The following KCNMA1 variants were observed in gnomAD, a reference collection of about 807,000 sequenced individuals.
KCNMA1 encodes potassium calcium-activated channel subfamily M alpha 1.
KCNMA1 carries 29 observed loss-of-function variants against 140.0 expected under a neutral mutation model. That is an observed-to-expected ratio of 0.21 (90% CI 0.15 to 0.28). KCNMA1 has a LOEUF of 0.28. Among genes scored for constraint, KCNMA1 ranks in the 10% least tolerant of loss-of-function variants. The probability of loss-of-function intolerance (pLI) is 1.00; values close to 1 mark genes in which losing one functional copy is unlikely to be tolerated. For synonymous variants in KCNMA1, 612 were observed against 611.9 expected, an observed-to-expected ratio of 1.00 and a Z score of 0.00; for missense variants, 880 against 1,602.2, an observed-to-expected ratio of 0.55 and a Z score of 7.70.
intron 1 of KCNMA1, among the ~76,000 whole-genome samples, chr10:77,606,842 G>A (rs1182409943): frequency 1.3e-5 from 2 of 152,006 alleles, no homozygotes; most frequent in Non-Finnish European, 2.9e-5. Flanking sequence ...ATGCCCACAG[G>A]CACCTTGACA....
intron 5 of KCNMA1, among the ~76,000 whole-genome samples, chr10:77,158,592 C>T (rs560638012): frequency 1.5e-4 from 23 of 152,266 alleles, no homozygotes; most frequent in African/African-American, 5.3e-4. Flanking sequence ...TCTCTAGCTC[C>T]ATAACTGGGG....
At chr10:77,364,666 T>G (rs563926007) in intron 2 of KCNMA1, among the ~76,000 whole-genome samples, 1 of 152,220 alleles carries the variant, frequency 6.6e-6, no homozygotes, top group African/African-American at 2.4e-5. Context: ...TCATAACTTC[T>G]CACTTTTCCT....
chr10:77,151,104 T>TC (rs866668533), intron 5 of KCNMA1, among the ~76,000 whole-genome samples: 1 of 151,954 alleles, frequency 6.6e-6, no homozygotes, highest in African/African-American at 2.4e-5. Flanking sequence ...TCTCTCTCTC[T>TC]TTTCTTCTCT....
At chr10:77,410,274 C>T (rs759750665) in intron 1 of KCNMA1, among the ~76,000 whole-genome samples, 22 of 152,288 alleles carry the variant, frequency 1.4e-4, no homozygotes, top group African/African-American at 4.6e-4. Context: ...TGCTCTCACC[C>T]GGTTGGACTC....
intron 2 of KCNMA1, among the ~76,000 whole-genome samples, chr10:77,298,993 C>T (rs2075919353): frequency 6.6e-6 from 1 of 152,186 alleles, no homozygotes; most frequent in African/African-American, 2.4e-5. Flanking sequence ...GTCTTTTGAA[C>T]AACTGATTTT....
Position 77,584,197 on chromosome 10 carries a change from T to C in KCNMA1, c.378+53068A>G, listed in dbSNP as rs564943183. Among the ~76,000 whole-genome samples, 3 of 152,298 alleles carry C rather than the reference T, an allele frequency of 2.0e-5. No homozygotes were observed. In the South Asian group the frequency reaches 6.2e-4, roughly 32 times the overall value. On this transcript the variant is annotated intron_variant, in intron 1 of 27. Coordinates refer to ENST00000286628, the MANE Select transcript of KCNMA1 (RefSeq NM_001161352.2). Reference sequence around the variant, plus strand: ...AACACCGTCAGTCCACAGTGCTTTATAACCACCCAACCACCTTAGACGGGG... The same window carrying C: ...AACACCGTCAGTCCACAGTGCTTTACAACCACCCAACCACCTTAGACGGGG...
chr10:77,128,203 A>C (rs2097781258), intron 5 of KCNMA1, among the ~76,000 whole-genome samples: 3 of 151,972 alleles, frequency 2.0e-5, no homozygotes, highest in Admixed American at 1.3e-4. Context: ...TTCTCATATA[A>C]AGAAGATTTT....
intron 1 of KCNMA1, among the ~76,000 whole-genome samples, chr10:77,577,849 A>C (rs920955651): frequency 2.6e-5 from 4 of 152,216 alleles, no homozygotes; most frequent in Non-Finnish European, 4.4e-5. Flanking sequence ...AACTGAATAA[A>C]GAGCACAGTT....
At chr10:77,366,670 G>A (rs778264970) in intron 2 of KCNMA1, among the ~76,000 whole-genome samples, 3 of 152,158 alleles carry the variant, frequency 2.0e-5, no homozygotes, top group Non-Finnish European at 4.4e-5. Flanking sequence ...GGGGAGATAT[G>A]ATGGTGGTGG....
chr10:77,550,842 C>T (rs1655184346), intron 1 of KCNMA1, among the ~76,000 whole-genome samples: 1 of 152,114 alleles, frequency 6.6e-6, no homozygotes, highest in East Asian at 1.9e-4. Context: ...CATTTCCCCC[C>T]ACAACCCAAG....
intron 12 of KCNMA1, among the ~76,000 whole-genome samples, chr10:77,081,526 G>A (rs61866979): frequency 0.058 from 8,890 of 152,088 alleles, 372 homozygotes; most frequent in Non-Finnish European, 0.09. Context: ...ACCCAGCAGC[G>A]CTCCCCACTT....
At chr10:77,537,494 A>G (rs1419897722) in intron 1 of KCNMA1, among the ~76,000 whole-genome samples, 1 of 152,180 alleles carries the variant, frequency 6.6e-6, no homozygotes, top group Non-Finnish European at 1.5e-5. Flanking sequence ...TCCAAGACAC[A>G]TGAGCTTCCT....
chr10:77,237,857 C>T (rs1025459923), intron 3 of KCNMA1, among the ~76,000 whole-genome samples: 1 of 152,134 alleles, frequency 6.6e-6, no homozygotes, highest in African/African-American at 2.4e-5. Context: ...AGGGAGTTGG[C>T]AATGTTTCCT....
chr10:76,881,109 C>G (rs2034490966), downstream of KCNMA1, among the ~76,000 whole-genome samples: 1 of 152,090 alleles, frequency 6.6e-6, no homozygotes, highest in South Asian at 2.1e-4. Context: ...GCTGGTAGAG[C>G]AATTGCCACT....
intron 26 of KCNMA1, among the ~76,000 whole-genome samples, chr10:76,890,659 C>A (rs1414349463): frequency 1.7e-4 from 26 of 152,166 alleles, no homozygotes. Context: ...CTGGGCGACA[C>A]CATTGTTTGT....
intron 1 of KCNMA1, among the ~76,000 whole-genome samples, chr10:77,415,564 A>T (rs911386871): frequency 6.6e-6 from 1 of 152,268 alleles, no homozygotes; most frequent in Admixed American, 6.5e-5. Context: ...GCAGACTGGG[A>T]TATGGATAAC....
At chr10:76,985,277 G>T (rs991202932) in intron 19 of KCNMA1, among the ~76,000 whole-genome samples, 2 of 152,116 alleles carry the variant, frequency 1.3e-5, no homozygotes, top group African/African-American at 4.8e-5. Flanking sequence ...TAAATCAAAA[G>T]GGATAGCTCT....
At chr10:77,471,588 TCACACACACACAC>T (rs987836143) in intron 1 of KCNMA1, among the ~76,000 whole-genome samples, 2 of 138,874 alleles carry the variant, frequency 1.4e-5, no homozygotes, top group African/African-American at 5.5e-5. Flanking sequence ...ATACCACAGG[TCACACACACACAC>T]CACACACACT....
intron 5 of KCNMA1, among the ~76,000 whole-genome samples, chr10:77,172,743 A>G (rs962096808): frequency 6.6e-6 from 1 of 151,832 alleles, no homozygotes; most frequent in African/African-American, 2.4e-5. Flanking sequence ...GCCCCATGTC[A>G]GTCTATATGC....
Sources: allele counts gnomAD v4.1 joint callset (sites outside exome capture counted in the v4.1 genomes callset), GRCh38; gene constraint gnomAD v4.1.1; transcripts MANE v1.5; gene names NCBI Gene and HGNC (gene_info 2026-07-23, HGNC 2026-07-21).